The following PC variants were observed in gnomAD, a reference collection of about 807,000 sequenced individuals.
PC encodes the protein pyruvate carboxylase, also known as pyruvate carboxylase, mitochondrial.
PC carries 46 observed loss-of-function variants against 107.8 expected under a neutral mutation model. The observed-to-expected ratio is 0.43, with a 90% CI of 0.34 to 0.55. The LOEUF (loss-of-function observed/expected upper bound fraction) is 0.55. Among genes scored for constraint, PC ranks in the 20% least tolerant of loss-of-function variants. The pLI is 0.04. For missense variants in PC, 1,241 were observed against 1,643.1 expected, an observed-to-expected ratio of 0.76 and a Z score of 4.23; for synonymous variants, 662 against 684.7, an observed-to-expected ratio of 0.97 and a Z score of 0.52.
intron 3 of PC, among the ~76,000 whole-genome samples, chr11:66,890,550 G>C (rs1019078979): frequency 1.3e-5 from 2 of 150,304 alleles, no homozygotes; most frequent in Non-Finnish European, 3.0e-5. Flanking sequence ...ACCCAGGCTG[G>C]AGTGCAATGG....
chr11:66,903,825 CA>C (rs1948061140), intron 3 of PC, among the ~76,000 whole-genome samples: 1 of 133,644 alleles, frequency 7.5e-6, no homozygotes, highest in Non-Finnish European at 1.6e-5. Context: ...CACATATATA[CA>C]TTTTTTTTTT....
intron 3 of PC, among the ~76,000 whole-genome samples, chr11:66,903,951 C>G (rs1484148857): frequency 6.6e-6 from 1 of 150,580 alleles, no homozygotes; most frequent in Non-Finnish European, 1.5e-5. Flanking sequence ...CCTCAGCCTC[C>G]CGGGTAGCTG....
rs752420546 is a variant in PC at position 66,858,670 on chromosome 11, C to T, written c.1368+5104G>A. On this transcript the variant is annotated intron_variant, in intron 12 of 22. Coordinates refer to ENST00000393960, the MANE Select transcript of PC (RefSeq NM_001040716.2). The surrounding 1 kb of genome is among the most constrained non-coding windows in gnomAD (Gnocchi z 5.9). ...CGGTGCCGGGCCCTGGGTGACCCCG[C>T]GCCTACCATGCACTGGGTCGGTCCT... 3.2e-6 allele frequency: 5 copies of T among 1,545,068 alleles called. No individual in the cohort carries two copies. The South Asian group carries it at 3.6e-5, about 11-fold the overall frequency.
intron 3 of PC, among the ~76,000 whole-genome samples, chr11:66,949,786 T>C (rs567948158): frequency 1.3e-5 from 2 of 152,366 alleles, no homozygotes; most frequent in Non-Finnish European, 2.9e-5. Flanking sequence ...AGACTGGCCC[T>C]TAAAATAACT....
chr11:66,911,273 T>C (rs997642009), intron 3 of PC, among the ~76,000 whole-genome samples: 2 of 152,198 alleles, frequency 1.3e-5, no homozygotes, highest in Admixed American at 6.5e-5. Flanking sequence ...AGCTGCGAGA[T>C]GTGAATCAGA....
chr11:66,900,365 T>C (rs1157274851), intron 3 of PC, among the ~76,000 whole-genome samples: 2 of 152,090 alleles, frequency 1.3e-5, no homozygotes, highest in African/African-American at 4.8e-5. Context: ...TTAGTAGAGA[T>C]GTTAGCCAGG....
chr11:66,950,873 A>AG (rs1949418671), intron 3 of PC, among the ~76,000 whole-genome samples: 1 of 152,098 alleles, frequency 6.6e-6, no homozygotes, highest in Admixed American at 6.6e-5. Context: ...CTCTCATTGT[A>AG]GGGATGCAAG....
In PC at chr11:66,857,561, G is replaced by A; in HGVS notation, c.1369-4178C>T. The A allele has an allele frequency of 1.6e-6, 1 of 614,476 alleles. No homozygotes were observed. The highest frequency in any genetic ancestry group is 2.2e-5 in the South Asian group (1 of 46,298). The allele number at this position is 614,476 out of a possible 1,614,324, so 38.1% of individuals were successfully genotyped here. On this transcript the variant is annotated intron_variant, in intron 12 of 22. Transcript: ENST00000393960. The surrounding 1 kb of genome is among the most constrained non-coding windows in gnomAD (Gnocchi z 7.1). ...TTGGGAAATGTGACCTTTGCTCTGG[G>A]GGGCCTGGCCCTGCAGGCCCCAACC... is the stretch of plus-strand genomic sequence containing the variant.
intron 12 of PC, chr11:66,859,093 G>A: frequency 2.7e-6 from 4 of 1,486,156 alleles, no homozygotes; most frequent in Non-Finnish European, 2.7e-6. Flanking sequence ...CTCATCTACC[G>A]GTGAGGATGC....
chr11:66,884,919 C>T (rs919668349), intron 3 of PC, among the ~76,000 whole-genome samples: 1 of 152,210 alleles, frequency 6.6e-6, no homozygotes, highest in African/African-American at 2.4e-5. Context: ...CCAGCAGACA[C>T]TTGCAGGTGG....
intron 1 of PC, among the ~76,000 whole-genome samples, chr11:66,956,677 G>T (rs1949567990): frequency 6.6e-6 from 1 of 152,194 alleles, no homozygotes; most frequent in South Asian, 2.1e-4. Flanking sequence ...CTCCACTGCA[G>T]CGGCATCAAA....
intron 3 of PC, among the ~76,000 whole-genome samples, chr11:66,898,688 A>T (rs1421954086): frequency 6.6e-6 from 1 of 152,124 alleles, no homozygotes; most frequent in Non-Finnish European, 1.5e-5. Context: ...TCAAGAAACA[A>T]ATAAAGTGCA....
chr11:66,857,367 G>T lies in PC; in HGVS notation c.1369-3984C>A. The T allele has an allele frequency of 5.3e-6, 1 of 189,536 alleles. No individual in the cohort carries two copies. The highest frequency in any genetic ancestry group is 1.1e-5 in the Non-Finnish European group (1 of 92,546). 11.7% of individuals were successfully genotyped at this position (189,536 alleles called of 1,614,324 possible). A position where few individuals can be genotyped will look rare whatever the true frequency, so the allele number is the denominator to read the frequency against. On this transcript the variant is annotated intron_variant, in intron 12 of 22. Transcript: ENST00000393960. The surrounding 1 kb of genome is among the most constrained non-coding windows in gnomAD (Gnocchi z 7.1). ...CCACGGACTCCACGGGAGGTTCGGGGGGCGCCTTCTCTGGCGGGGGAGGGT... is the reference window on the plus strand; with the variant it reads ...CCACGGACTCCACGGGAGGTTCGGGTGGCGCCTTCTCTGGCGGGGGAGGGT...
intron 3 of PC, 66 bp from the exon 4 acceptor site, chr11:66,872,225 G>C: frequency 6.5e-7 from 1 of 1,534,464 alleles, no homozygotes; most frequent in Non-Finnish European, 8.8e-7. Flanking sequence ...GAATGAGTGA[G>C]GGCCCTTCCC....
Position 66,857,671 on chromosome 11 carries a change from C to G in PC, c.1369-4288G>C. The G allele has an allele frequency of 6.7e-7, 1 of 1,486,494 alleles. No individual in the cohort carries two copies. Among genetic ancestry groups the G allele is most frequent in the Non-Finnish European group, 9.0e-7 (1 of 1,113,290 alleles). The allele number at this position is 1,486,494 out of a possible 1,614,324, so 92.1% of individuals were successfully genotyped here. On this transcript the variant is annotated intron_variant, in intron 12 of 22. Coordinates refer to ENST00000393960, the MANE Select transcript of PC (RefSeq NM_001040716.2). This position sits in a 1 kb window ranked among gnomAD's most constrained non-coding sequence, Gnocchi z 7.1. ...CACAGAAGCTGGCTTCTGGGACTGTCCTGGGCCCAAGTGGGCACCTGCGCC... is the reference window on the plus strand; with the variant it reads ...CACAGAAGCTGGCTTCTGGGACTGTGCTGGGCCCAAGTGGGCACCTGCGCC...
At chr11:66,914,986 G>T (rs1465169104) in intron 3 of PC, among the ~76,000 whole-genome samples, 1 of 152,094 alleles carries the variant, frequency 6.6e-6, no homozygotes, top group Non-Finnish European at 1.5e-5. Flanking sequence ...GAGCTATGAT[G>T]GTGCCACTGC....
chr11:66,904,739 G>T (rs943777165), intron 3 of PC, among the ~76,000 whole-genome samples: 3 of 152,332 alleles, frequency 2.0e-5, no homozygotes, highest in Admixed American at 1.3e-4. Flanking sequence ...GCCTGGCAGG[G>T]GTCACCTGGC....
chr11:66,948,219 A>C (rs1290937058), intron 3 of PC, among the ~76,000 whole-genome samples: 1 of 151,972 alleles, frequency 6.6e-6, no homozygotes, highest in Non-Finnish European at 1.5e-5. Flanking sequence ...AAAAAAAAAA[A>C]AGAAGGAAAT....
intron 3 of PC, among the ~76,000 whole-genome samples, chr11:66,895,267 C>T (rs1328215403): frequency 6.6e-6 from 1 of 152,170 alleles, no homozygotes; most frequent in Non-Finnish European, 1.5e-5. Context: ...CAGGTGTTGA[C>T]ACTGAGGTTC....
Sources: gnomAD v4.1 joint callset for allele counts (sites outside exome capture counted in the v4.1 genomes callset) on GRCh38, gnomAD v4.1.1 for gene constraint, Gnocchi (gnomAD v3.1) non-coding constraint, MANE v1.5 for transcripts, NCBI Gene and HGNC (gene_info 2026-07-23, HGNC 2026-07-21) for gene names.